Variants in PDSS2 observed in about 807,000 individuals in gnomAD.
The protein encoded by PDSS2 is all trans-polyprenyl-diphosphate synthase PDSS2.
In PDSS2, 31 loss-of-function variants were observed where a neutral mutation model predicts 44.5. That is an observed-to-expected ratio of 0.70 (90% CI 0.52 to 0.94). PDSS2 has a LOEUF of 0.94. PDSS2 is among the 40% of genes least tolerant of loss of function. The probability of loss-of-function intolerance (pLI) is 0.00; values close to 1 mark genes in which losing one functional copy is unlikely to be tolerated. For synonymous variants in PDSS2, 157 were observed against 180.3 expected (o/e 0.87, Z 1.03); for missense variants, 452 against 482.2 (o/e 0.94, Z 0.59).
In PDSS2 at chr6:107,301,881, G is replaced by A. The variant is rs577267495; in HGVS notation, c.432-27654C>T. On this transcript the variant is annotated intron_variant, in intron 2 of 7. Coordinates refer to ENST00000369037, the MANE Select transcript of PDSS2 (RefSeq NM_020381.4). Reference sequence around the variant, plus strand: ...GGAGGTTGCAGTGAGCCGAGATCACGCCACTGCACTCCAGCCTGGGTGACA... The same window carrying A: ...GGAGGTTGCAGTGAGCCGAGATCACACCACTGCACTCCAGCCTGGGTGACA... Among the ~76,000 whole-genome samples, 79 of 125,978 alleles carry A rather than the reference G, an allele frequency of 6.3e-4. 1 individual carries two copies. Among genetic ancestry groups the A allele is most frequent in the Admixed American group, 5.0e-4 (5 of 9,936 alleles). The allele number at this position is 125,978 out of a possible 152,430, so 82.6% of individuals were successfully genotyped here. A position where few individuals can be genotyped will look rare whatever the true frequency, so the allele number is the denominator to read the frequency against.
At chr6:107,324,246 C>T (rs1777471084) in intron 2 of PDSS2, among the ~76,000 whole-genome samples, 1 of 152,178 alleles carries the variant, frequency 6.6e-6, no homozygotes, top group South Asian at 2.1e-4. Flanking sequence ...AGAATACAAT[C>T]AATAGGAATA....
At position 107,169,376 on chromosome 6, in the gene PDSS2, C is replaced by T. The variant is rs183632456; in HGVS notation, c.1042-14599G>A. ...ACACTGGTTATTCTAGTTAGCCATT[C>T]GTCTAATCTTTTTTTAAGGTTTTTA... On this transcript the variant is annotated intron_variant, in intron 7 of 7. Coordinates refer to ENST00000369037, the MANE Select transcript of PDSS2 (RefSeq NM_020381.4). Among the ~76,000 whole-genome samples the T allele has an allele frequency of 5.7e-4, 87 of 152,172 alleles. 1 individual carries two copies. The highest frequency in any genetic ancestry group is 3.4e-3 in the Middle Eastern group (1 of 294).
intron 2 of PDSS2, among the ~76,000 whole-genome samples, chr6:107,320,566 AG>A (rs1777349483): frequency 6.6e-6 from 1 of 152,340 alleles, no homozygotes; most frequent in Admixed American, 6.5e-5. Context: ...TTTTAAAAAA[AG>A]GTTCTTGTGT....
At chr6:107,173,069 A>G (rs1771641787) in intron 7 of PDSS2, among the ~76,000 whole-genome samples, 1 of 148,968 alleles carries the variant, frequency 6.7e-6, no homozygotes, top group Admixed American at 6.8e-5. Context: ...AGTTGCAGTG[A>G]CCTGAGATTG....
Position 107,154,842 on chromosome 6 carries a change from A to G in PDSS2, c.1042-65T>C. ...GGTACACAGTAAGCACCACAATTAA[A>G]TTGGGGAGGGGAGATGGAAAACAAA... is the stretch of plus-strand genomic sequence containing the variant. On this transcript the variant is annotated intron_variant, in intron 7 of 7. Coordinates refer to ENST00000369037, the MANE Select transcript of PDSS2 (RefSeq NM_020381.4). The G allele has an allele frequency of 2.2e-6, 3 of 1,394,978 alleles. No individual in the cohort carries two copies. The African/African-American group carries it at 4.2e-5, about 20-fold the overall frequency. The allele number at this position is 1,394,978 out of a possible 1,614,324, so 86.4% of individuals were successfully genotyped here.
At chr6:107,443,984 C>T (rs2114819033) in intron 1 of PDSS2, among the ~76,000 whole-genome samples, 1 of 152,254 alleles carries the variant, frequency 6.6e-6, no homozygotes, top group South Asian at 2.1e-4. Context: ...GCACTTTACC[C>T]ATATTAAATC....
chr6:107,198,955 C>T (rs1772665474), intron 6 of PDSS2, among the ~76,000 whole-genome samples: 1 of 152,140 alleles, frequency 6.6e-6, no homozygotes, highest in African/African-American at 2.4e-5. Context: ...GTGATTGCAC[C>T]ACTGCATTCC....
chr6:107,199,787 C>T (rs913548921), intron 6 of PDSS2, among the ~76,000 whole-genome samples: 2 of 152,044 alleles, frequency 1.3e-5, no homozygotes, highest in Non-Finnish European at 2.9e-5. Flanking sequence ...ACAGGAAAAA[C>T]GAATTTTACT....
intron 1 of PDSS2, among the ~76,000 whole-genome samples, chr6:107,348,092 A>G (rs1385389065): frequency 6.6e-6 from 1 of 152,116 alleles, no homozygotes; most frequent in African/African-American, 2.4e-5. Flanking sequence ...AAATAAGACA[A>G]TGGAATTTCT....
At chr6:107,212,836 CAAAAAAAAAA>C (rs68101776) in intron 4 of PDSS2, among the ~76,000 whole-genome samples, 6 of 127,790 alleles carry the variant, frequency 4.7e-5, no homozygotes, top group Non-Finnish European at 8.5e-5. Context: ...CAAGACTCTA[CAAAAAAAAAA>C]AAAAAAAAAT....
intron 1 of PDSS2, among the ~76,000 whole-genome samples, chr6:107,388,660 G>A (rs529592669): frequency 1.3e-5 from 2 of 152,138 alleles, no homozygotes; most frequent in Non-Finnish European, 2.9e-5. Context: ...GGGTTTCACC[G>A]TGTTAGCCAG....
At chr6:107,268,708 ATATTCTTCACAGTTGCAGTTTATGGTTAG>A (rs1289602827) in intron 3 of PDSS2, among the ~76,000 whole-genome samples, 1 of 152,204 alleles carries the variant, frequency 6.6e-6, no homozygotes, top group Non-Finnish European at 1.5e-5. Flanking sequence ...ACTGCCCGCA[ATATTCTTCACAGTTGCAGTTTATGGTTAG>A]TTTGAAATTA....
Position 107,223,758 on chromosome 6 carries a change from G to A in PDSS2, c.703-11476C>T, listed in dbSNP as rs1339613991. Among the ~76,000 whole-genome samples the A allele has an allele frequency of 3.4e-5, 5 of 145,634 alleles. No individual in the cohort carries two copies. The Admixed American group carries it at 3.4e-4, about 10-fold the overall frequency. ...AAGAGTGAATGACATCTATGTACCC[G>A]CCCCCGACCCCGACCCACCAAGAGC... On this transcript the variant is annotated intron_variant, in intron 4 of 7. Transcript: ENST00000369037.
chr6:107,258,886 G>A (rs1775118073), intron 3 of PDSS2, among the ~76,000 whole-genome samples: 1 of 152,168 alleles, frequency 6.6e-6, no homozygotes, highest in Non-Finnish European at 1.5e-5. Context: ...AACCGTTTAA[G>A]ATACCATAAA....
Position 107,154,333 on chromosome 6 carries a change from C to A in PDSS2, c.*286G>T. On this transcript the variant is annotated 3_prime_UTR_variant, in exon 8 of 8. Transcript: ENST00000369037. ...CGGTCCAATCAATAAGGACTTATTT[C>A]CTGTCCATTTGCTGAGGTCACAGGA... The A allele has an allele frequency of 2.5e-6, 1 of 396,070 alleles. No homozygotes were observed. The highest frequency in any genetic ancestry group is 4.8e-6 in the Non-Finnish European group (1 of 209,564). 24.5% of individuals were successfully genotyped at this position (396,070 alleles called of 1,614,324 possible). A position where few individuals can be genotyped will look rare whatever the true frequency, so the allele number is the denominator to read the frequency against.
rs1774106909 is a variant in PDSS2 at position 107,233,094 on chromosome 6, GA to G, written c.702+12453del. Among the ~76,000 whole-genome samples the G allele has an allele frequency of 3.3e-5, 5 of 152,186 alleles. No individual in the cohort carries two copies. In the South Asian group the frequency reaches 1.0e-3, roughly 31 times the overall value. On this transcript the variant is annotated intron_variant, in intron 4 of 7. Transcript: ENST00000369037. ...GGCCTCCTAAAGTGCTGGGATTACA[GA>G]TGTGAGCCACTGCGCTGGGTCCAAT...
At chr6:107,278,421 G>T (rs1218480986) in intron 2 of PDSS2, among the ~76,000 whole-genome samples, 1 of 152,112 alleles carries the variant, frequency 6.6e-6, no homozygotes, top group African/African-American at 2.4e-5. Context: ...GAATAAAATT[G>T]TATTTTATTA....
chr6:107,235,969 A>T (rs113971946), intron 4 of PDSS2, among the ~76,000 whole-genome samples: 138 of 152,292 alleles, frequency 9.1e-4, no homozygotes, highest in African/African-American at 3.2e-3. Context: ...GCAGCCTACT[A>T]TGTAATTGAG....
In PDSS2 at chr6:107,310,697, T is replaced by C. The variant is rs901376282; in HGVS notation, c.431+23501A>G. On this transcript the variant is annotated intron_variant, in intron 2 of 7. Coordinates refer to ENST00000369037, the MANE Select transcript of PDSS2 (RefSeq NM_020381.4). ...TTTCTATGAAGAGAGTATTTAAGTC[T>C]CAACCATCTGGCCCTGAGTCTCATA... Among the ~76,000 whole-genome samples, 43 of 152,152 alleles carry C rather than the reference T, an allele frequency of 2.8e-4. 1 individual carries two copies. The highest frequency in any genetic ancestry group is 9.4e-4 in the African/African-American group (39 of 41,432).
Sources: gnomAD v4.1 joint callset for allele counts (sites outside exome capture counted in the v4.1 genomes callset) on GRCh38, gnomAD v4.1.1 for gene constraint, MANE v1.5 for transcripts, NCBI Gene and HGNC (gene_info 2026-07-23, HGNC 2026-07-21) for gene names.